The following ANKS1B variants were observed in gnomAD, a reference collection of about 807,000 sequenced individuals.
ANKS1B encodes the protein ankyrin repeat and sterile alpha motif domain-containing protein 1B.
In ANKS1B, 36 loss-of-function variants were observed where a neutral mutation model predicts 148.3. The observed-to-expected ratio is 0.24, with a 90% CI of 0.19 to 0.32. The LOEUF (loss-of-function observed/expected upper bound fraction) is 0.32. ANKS1B is among the 10% of genes least tolerant of loss of function. The probability of loss-of-function intolerance (pLI) is 1.00; values close to 1 mark genes in which losing one functional copy is unlikely to be tolerated. For synonymous variants in ANKS1B, 542 were observed against 560.8 expected (o/e 0.97, Z 0.47); for missense variants, 1,157 against 1,542.6 (o/e 0.75, Z 4.19).
intron 8 of ANKS1B, among the ~76,000 whole-genome samples, chr12:99,759,866 TA>T (rs1039325127): frequency 2.4e-4 from 36 of 152,012 alleles, no homozygotes; most frequent in African/African-American, 7.9e-4. Flanking sequence ...AAGTGTAAAG[TA>T]CAGATTCTCA....
chr12:99,230,060 C>G (rs948769710), intron 14 of ANKS1B, among the ~76,000 whole-genome samples: 1 of 151,988 alleles, frequency 6.6e-6, no homozygotes, highest in African/African-American at 2.4e-5. Flanking sequence ...CTGCTATGTA[C>G]CAGGAATATA....
Position 99,782,013 on chromosome 12 carries a change from A to G in ANKS1B, c.745+9T>C, listed in dbSNP as rs1041736556. On this transcript the variant is annotated intron_variant, in intron 5 of 26. Coordinates refer to ENST00000683438, the MANE Select transcript of ANKS1B (RefSeq NM_001352186.2). ...CAGGATAAGCTCCATGCAGAATCAC[A>G]ATAGTTACCTGTTTCTAACAGAACT... 9 of 1,592,742 alleles carry G rather than the reference A, an allele frequency of 5.7e-6. No individual in the cohort carries two copies. The African/African-American group carries it at 1.1e-4, about 19-fold the overall frequency.
At chr12:98,972,092 C>G (rs568489425) in intron 17 of ANKS1B, among the ~76,000 whole-genome samples, 1 of 152,172 alleles carries the variant, frequency 6.6e-6, no homozygotes, top group Non-Finnish European at 1.5e-5. Flanking sequence ...TGCTTGAACC[C>G]AGGAGGCAGA....
chr12:99,353,468 A>T (rs1272989548), intron 12 of ANKS1B, among the ~76,000 whole-genome samples: 1 of 152,030 alleles, frequency 6.6e-6, no homozygotes, highest in Non-Finnish European at 1.5e-5. Context: ...AGGTCATATC[A>T]AATTAAATTC....
At chr12:99,428,009 C>T (rs775860999) in intron 11 of ANKS1B, among the ~76,000 whole-genome samples, 6 of 151,998 alleles carry the variant, frequency 3.9e-5, no homozygotes, top group East Asian at 1.9e-4. Flanking sequence ...TATGCCTTAT[C>T]GAGTAAGAAG....
chr12:99,852,271 G>A (rs2088012156), intron 1 of ANKS1B, among the ~76,000 whole-genome samples: 1 of 151,890 alleles, frequency 6.6e-6, no homozygotes, highest in Non-Finnish European at 1.5e-5. Flanking sequence ...TGACACTTAT[G>A]GTATTAATTA....
At chr12:99,168,684 A>G (rs544637673) in intron 14 of ANKS1B, among the ~76,000 whole-genome samples, 39 of 152,336 alleles carry the variant, frequency 2.6e-4, no homozygotes, top group Admixed American at 8.5e-4. Context: ...CCATTCCAGC[A>G]TCTAGGTAAA....
At chr12:99,623,067 T>G (rs1654419221) in intron 9 of ANKS1B, among the ~76,000 whole-genome samples, 1 of 152,024 alleles carries the variant, frequency 6.6e-6, no homozygotes, top group Admixed American at 6.6e-5. Flanking sequence ...TCACACAGAC[T>G]TCATTCCTGG....
intron 1 of ANKS1B, among the ~76,000 whole-genome samples, chr12:99,862,196 C>T (rs926963187): frequency 6.6e-6 from 1 of 152,146 alleles, no homozygotes; most frequent in Non-Finnish European, 1.5e-5. Flanking sequence ...AAAATCTTCA[C>T]ACACAATATG....
At chr12:99,241,559 T>G (rs1366122191) in intron 14 of ANKS1B, among the ~76,000 whole-genome samples, 2 of 152,208 alleles carry the variant, frequency 1.3e-5, no homozygotes, top group African/African-American at 4.8e-5. Context: ...GAGGCCAGCA[T>G]CATCTTGATA....
At chr12:99,955,492 C>CAAAAAAA (rs61654867) in intron 1 of ANKS1B, among the ~76,000 whole-genome samples, 1 of 38,094 alleles carries the variant, frequency 2.6e-5, no homozygotes, top group Non-Finnish European at 4.6e-5. Flanking sequence ...AACTCCGTCT[C>CAAAAAAA]AAAAAAAAAA....
At chr12:99,943,625 G>C (rs1002492232) in intron 1 of ANKS1B, among the ~76,000 whole-genome samples, 1 of 151,978 alleles carries the variant, frequency 6.6e-6, no homozygotes, top group Non-Finnish European at 1.5e-5. Flanking sequence ...ACCAGATCTC[G>C]TGAGACTTAC....
intron 17 of ANKS1B, among the ~76,000 whole-genome samples, chr12:98,926,518 A>G (rs1196545350): frequency 6.6e-6 from 1 of 152,156 alleles, no homozygotes; most frequent in Non-Finnish European, 1.5e-5. Flanking sequence ...AGTATGGCCC[A>G]TACACAGGAA....
chr12:99,446,055 T>C (rs2095632454), intron 10 of ANKS1B, among the ~76,000 whole-genome samples: 1 of 151,876 alleles, frequency 6.6e-6, no homozygotes, highest in Non-Finnish European at 1.5e-5. Context: ...TCATCAGACA[T>C]GTAAACAAAT....
intron 14 of ANKS1B, among the ~76,000 whole-genome samples, chr12:99,226,363 G>A (rs894769772): frequency 1.3e-5 from 2 of 152,146 alleles, no homozygotes; most frequent in Non-Finnish European, 2.9e-5. Flanking sequence ...ATTTGCTTGT[G>A]TTAAAATGAG....
intron 9 of ANKS1B, chr12:99,648,550 G>A (rs1349793502): frequency 6.2e-7 from 1 of 1,614,154 alleles, no homozygotes; most frequent in Admixed American, 1.7e-5. Flanking sequence ...CTTGATGTTT[G>A]TGAAAATAAC....
intron 14 of ANKS1B, among the ~76,000 whole-genome samples, chr12:99,181,862 CTAA>C (rs1205006082): frequency 6.6e-6 from 1 of 151,770 alleles, no homozygotes; most frequent in Non-Finnish European, 1.5e-5. Flanking sequence ...AATTATATAA[CTAA>C]TGATAGTTAC....
intron 12 of ANKS1B, among the ~76,000 whole-genome samples, chr12:99,398,309 G>C (rs2094309206): frequency 6.6e-6 from 1 of 152,032 alleles, no homozygotes; most frequent in African/African-American, 2.4e-5. Context: ...GTTTGTGTTA[G>C]TGCTTTTAAA....
At chr12:99,643,628 G>C (rs552073035) in intron 9 of ANKS1B, among the ~76,000 whole-genome samples, 34 of 152,146 alleles carry the variant, frequency 2.2e-4, no homozygotes, top group Non-Finnish European at 4.7e-4. Context: ...CCTGCCTGCA[G>C]AATTTCAGGA....
Sources: gnomAD v4.1 joint callset for allele counts (sites outside exome capture counted in the v4.1 genomes callset) on GRCh38, gnomAD v4.1.1 for gene constraint, MANE v1.5 for transcripts, NCBI Gene and HGNC (gene_info 2026-07-23, HGNC 2026-07-21) for gene names.